Variants in N4BP2 observed in about 807,000 individuals in gnomAD.
N4BP2 encodes NEDD4 binding protein 2.
Under a neutral mutation model 152.8 loss-of-function variants are expected in N4BP2, and 91 were observed. That is an observed-to-expected ratio of 0.60 (90% CI 0.50 to 0.71). N4BP2 has a LOEUF of 0.71. Among genes scored for constraint, N4BP2 ranks in the 30% least tolerant of loss-of-function variants. The probability of loss-of-function intolerance (pLI) is 0.00; values close to 1 mark genes in which losing one functional copy is unlikely to be tolerated. For missense variants in N4BP2, 1,923 were observed against 2,059.1 expected (o/e 0.93, Z 1.28); for synonymous variants, 646 against 705.3 (o/e 0.92, Z 1.33).
At chr4:40,168,646 G>T in the N4BP2 span, among the ~76,000 whole-genome samples, 1 of 151,498 alleles carries the variant, frequency 6.6e-6, no homozygotes, top group African/African-American at 2.4e-5. Flanking sequence ...GGAGACCACA[G>T]AAATCAATTG....
Position 40,061,183 on chromosome 4 carries a change from A to ATT in N4BP2, c.-212+4156_-212+4157dup, listed in dbSNP as rs546368908. ...TATTAGTGTCTTTATTATTATTATT[A>ATT]TTTTGAGGTAGAGTCTTGCTGTGTT... On this transcript the variant is annotated intron_variant, in intron 1 of 17. Transcript: ENST00000261435. Among the ~76,000 whole-genome samples the ATT allele has an allele frequency of 2.2e-4, 34 of 151,214 alleles. No homozygotes were observed. The South Asian group carries it at 7.2e-3, about 32-fold the overall frequency.
chr4:40,151,648 T>C (rs949803999), intron 16 of N4BP2, among the ~76,000 whole-genome samples: 5 of 152,190 alleles, frequency 3.3e-5, no homozygotes, highest in Non-Finnish European at 7.3e-5. Context: ...TGCAAAAACT[T>C]TGTAAAAAGT....
chr4:40,140,663 A>G (rs534522356), intron 14 of N4BP2, among the ~76,000 whole-genome samples: 2 of 151,604 alleles, frequency 1.3e-5, no homozygotes, highest in South Asian at 2.1e-4. Flanking sequence ...GTCACAGGAC[A>G]ATAGTGGAGG....
chr4:40,175,338 G>GA, the N4BP2 span, among the ~76,000 whole-genome samples: 2,750 of 103,670 alleles, frequency 0.027, 48 homozygotes, highest in African/African-American at 0.044. Flanking sequence ...GTGAAATATA[G>GA]AAAAAAAAAA....
Position 40,124,224 on chromosome 4 carries a change from T to C in N4BP2, c.4330+19T>C. The C allele has an allele frequency of 6.3e-7, 1 of 1,584,480 alleles. No individual in the cohort carries two copies. The highest frequency in any genetic ancestry group is 8.6e-7 in the Non-Finnish European group (1 of 1,157,740). The stretch of plus-strand genomic sequence containing the variant: ...ATGCAAGGTAAAGCACATGTTTTTA[T>C]TTCTAATGTCTTAATGTTGAAATTT... On this transcript the variant is annotated intron_variant, in intron 11 of 17. Transcript: ENST00000261435.
At chr4:40,086,071 G>A (rs1236446824) in intron 2 of N4BP2, among the ~76,000 whole-genome samples, 1 of 149,602 alleles carries the variant, frequency 6.7e-6, no homozygotes, top group Non-Finnish European at 1.5e-5. Context: ...GGATTCGAGC[G>A]ATCCTCCTGC....
chr4:40,107,134 G>T lies in N4BP2; in HGVS notation c.1498+110G>T, dbSNP rs9995001. 4.9e-4 allele frequency: 532 copies of T among 1,078,880 alleles called. 1 individual carries two copies. The African/African-American group carries it at 7.5e-3, about 15-fold the overall frequency. 66.8% of individuals were successfully genotyped at this position (1,078,880 alleles called of 1,614,324 possible). On this transcript the variant is annotated intron_variant, in intron 5 of 17. Transcript: ENST00000261435. ...TTGTTTTTTGAGACAGGGTCTCGCT[G>T]TGTTGCACAGGCTAGAGTGCAGTGG...
chr4:40,136,578 G>A (rs1719425326), intron 13 of N4BP2, among the ~76,000 whole-genome samples: 1 of 151,996 alleles, frequency 6.6e-6, no homozygotes, highest in African/African-American at 2.4e-5. Flanking sequence ...GTAGAGACGG[G>A]GTTTCACCAT....
At chr4:40,160,469 G>A (rs1158855879), downstream of N4BP2, among the ~76,000 whole-genome samples, 5 of 152,268 alleles carry the variant, frequency 3.3e-5, no homozygotes, top group South Asian at 2.1e-4. Flanking sequence ...GCAGTGGAGC[G>A]AGCTGCAGCT....
At chr4:40,091,667 G>A (rs1714561496) in intron 2 of N4BP2, among the ~76,000 whole-genome samples, 1 of 128,364 alleles carries the variant, frequency 7.8e-6, no homozygotes, top group Admixed American at 9.2e-5. Flanking sequence ...GCATAGTGGT[G>A]TGATCATGGC....
rs1433124295 is a variant in N4BP2 at position 40,097,445 on chromosome 4, T to C, written c.105T>C (p.Thr35=). Residue 35 remains threonine (T), a synonymous_variant, in exon 3 of 18, where the codon ACT becomes ACC. Coordinates refer to ENST00000261435, the MANE Select transcript of N4BP2 (RefSeq NM_018177.6). ...TTGCTAGTCGTGAGGAGCCAACCAC[T>C]ACTCTACCTTCCATGGGTGAGACAA... The part of the protein sequence containing the change: ...SSVASREEPT[T]TLPSMGETKV... 6.2e-7 allele frequency: 1 copy of C among 1,613,946 alleles called. No individual in the cohort carries two copies. The highest frequency in any genetic ancestry group is 1.3e-5 in the African/African-American group (1 of 74,924).
At chr4:40,098,337 G>GT (rs1715288065) in intron 3 of N4BP2, among the ~76,000 whole-genome samples, 2 of 152,154 alleles carry the variant, frequency 1.3e-5, no homozygotes, top group Admixed American at 1.3e-4. Context: ...AAATATAACA[G>GT]TATGTGCTTC....
intron 5 of N4BP2, among the ~76,000 whole-genome samples, chr4:40,107,231 T>A (rs1245074685): frequency 6.6e-6 from 1 of 152,102 alleles, no homozygotes; most frequent in Non-Finnish European, 1.5e-5. Flanking sequence ...CCCAAGTAGC[T>A]GGGACCACAG....
At position 40,140,665 on chromosome 4, in the gene N4BP2, T is replaced by C. The variant is rs370202129; in HGVS notation, c.4786-2008T>C. ...GGGATTTGGCAGGGTCACAGGACAATAGTGGAGGGAAGGTCAGCAGATAAA... is the reference window on the plus strand; with the variant it reads ...GGGATTTGGCAGGGTCACAGGACAACAGTGGAGGGAAGGTCAGCAGATAAA... On this transcript the variant is annotated intron_variant, in intron 14 of 17. Coordinates refer to ENST00000261435, the MANE Select transcript of N4BP2 (RefSeq NM_018177.6). 3.3e-5 allele frequency among the ~76,000 whole-genome samples: 5 copies of C among 151,678 alleles called. No individual in the cohort carries two copies. In the East Asian group the frequency reaches 7.8e-4, roughly 24 times the overall value.
intron 5 of N4BP2, among the ~76,000 whole-genome samples, chr4:40,108,905 C>T (rs1356799892): frequency 6.6e-6 from 1 of 151,382 alleles, no homozygotes; most frequent in Non-Finnish European, 1.5e-5. Context: ...CAATGTCTGC[C>T]TCCCGGGTTT....
chr4:40,067,027 C>T lies in N4BP2; in HGVS notation c.-211-6428C>T, dbSNP rs578145235. Among the ~76,000 whole-genome samples, 4 of 149,538 alleles carry T rather than the reference C, an allele frequency of 2.7e-5. No homozygotes were observed. The South Asian group carries it at 8.5e-4, about 32-fold the overall frequency. On this transcript the variant is annotated intron_variant, in intron 1 of 17. Coordinates refer to ENST00000261435, the MANE Select transcript of N4BP2 (RefSeq NM_018177.6). ...TTAGCATAATGTCCTCAAGATTCTT[C>T]CATGTTGCAGCATATGACCTAATTT...
the N4BP2 span, among the ~76,000 whole-genome samples, chr4:40,178,774 A>G: frequency 1.3e-5 from 2 of 151,864 alleles, no homozygotes; most frequent in Non-Finnish European, 1.5e-5. Flanking sequence ...ATATGAGCAC[A>G]CATTTGCCTT....
chr4:40,139,187 T>C (rs901339540), intron 14 of N4BP2, among the ~76,000 whole-genome samples: 1 of 152,162 alleles, frequency 6.6e-6, no homozygotes, highest in Non-Finnish European at 1.5e-5. Flanking sequence ...TAAATGTAAA[T>C]GGAATTATTT....
At chr4:40,179,765 T>C in the N4BP2 span, among the ~76,000 whole-genome samples, 1,728 of 147,904 alleles carry the variant, frequency 0.012, 29 homozygotes, top group African/African-American at 0.036. Flanking sequence ...CTTTCTTTTT[T>C]TTTTTTTTTT....
Sources: gnomAD v4.1 joint callset for allele counts (sites outside exome capture counted in the v4.1 genomes callset) on GRCh38, gnomAD v4.1.1 for gene constraint, MANE v1.5 for transcripts, NCBI Gene and HGNC (gene_info 2026-07-23, HGNC 2026-07-21) for gene names.